The following GNA11 variants were observed in gnomAD, a reference collection of about 807,000 sequenced individuals.
GNA11 encodes the protein G protein subunit alpha 11.
Under a neutral mutation model 38.2 loss-of-function variants are expected in GNA11, and 8 were observed. The observed-to-expected ratio is 0.21, with a 90% CI of 0.12 to 0.38. The LOEUF is 0.38. Ranked by LOEUF, GNA11 falls within the 10% of genes least tolerant of loss-of-function variation. GNA11 has a pLI of 1.00. For synonymous variants in GNA11, 211 were observed against 221.4 expected (o/e 0.95, Z 0.42); for missense variants, 268 against 516.3 (o/e 0.52, Z 4.66).
Position 3,114,895 on chromosome 19 carries a change from G to GC in GNA11, c.477-42dup, listed in dbSNP as rs759612825. 38 of 1,552,202 alleles carry GC rather than the reference G, an allele frequency of 2.4e-5. 1 individual carries two copies. Among genetic ancestry groups the GC allele is most frequent in the Middle Eastern group, 3.5e-4 (2 of 5,788 alleles). Reference sequence around the variant, plus strand: ...GGTTTGGGTGCTGTGTCCCTGTCCTGCCCCCCCACCCCCGGCAGCCGGCCT... The same window carrying GC: ...GGTTTGGGTGCTGTGTCCCTGTCCTGCCCCCCCCACCCCCGGCAGCCGGCCT... On this transcript the variant is annotated intron_variant, in intron 3 of 6. Coordinates refer to ENST00000078429, the MANE Select transcript of GNA11 (RefSeq NM_002067.5).
Position 3,114,966 on chromosome 19 carries a change from A to G in GNA11, c.499A>G (p.Ile167Val). The G allele has an allele frequency of 6.2e-7, 1 of 1,612,680 alleles. No individual in the cohort carries two copies. Among genetic ancestry groups the G allele is most frequent in the Non-Finnish European group, 8.5e-7 (1 of 1,179,684 alleles). The change falls in exon 4 of 7, where the codon ATC becomes GTC. Residue 167 changes from isoleucine (I) to valine (V), a missense_variant. Ile to Val is a conservative substitution (Grantham distance 29, BLOSUM62 3). Around this residue, in one of 3 missense-constraint regions of GNA11, gnomAD observed 151 missense variants for 254.0 expected, o/e 0.59. Transcript: ENST00000078429. ...CAGCTACCTGACCGACGTTGACCGC[A>G]TCGCCACCTTGGGCTACCTGCCCAC... ...AKYYLTDVDR[I>V]ATLGYLPTQQ...
In GNA11 at chr19:3,119,618, C is replaced by G. The variant is rs1455142884; in HGVS notation, c.889+259C>G. Among the ~76,000 whole-genome samples, 4 of 128,992 alleles carry G rather than the reference C, an allele frequency of 3.1e-5. No individual in the cohort carries two copies. Among genetic ancestry groups the G allele is most frequent in the Non-Finnish European group, 6.6e-5 (4 of 60,412 alleles). The allele number at this position is 128,992 out of a possible 152,430, so 84.6% of individuals were successfully genotyped here. On this transcript the variant is annotated intron_variant, in intron 6 of 6. Coordinates refer to ENST00000078429, the MANE Select transcript of GNA11 (RefSeq NM_002067.5). This position sits in a 1 kb window ranked among gnomAD's most constrained non-coding sequence, Gnocchi z 4.6. The stretch of plus-strand genomic sequence containing the variant: ...CAGGGACTCCTTATACAGGAGGGGT[C>G]TCGGGTGGGAGGGGTCTCGGGCAGG...
Position 3,115,619 on chromosome 19 carries a change from G to A in GNA11, c.605+547G>A, listed in dbSNP as rs1163280272. 2.0e-5 allele frequency among the ~76,000 whole-genome samples: 3 copies of A among 151,666 alleles called. No individual in the cohort carries two copies. The East Asian group carries it at 5.9e-4, about 30-fold the overall frequency. The stretch of plus-strand genomic sequence containing the variant: ...ACAGGGCCTCCAGGACGGGCCGGGG[G>A]CCTGGTTGGAGCCAGCATGGGGCTG... On this transcript the variant is annotated intron_variant, in intron 4 of 6. Transcript: ENST00000078429.
rs540865297 is a variant in GNA11, at chr19:3,105,710, C to T, written c.137-4439C>T. On this transcript the variant is annotated intron_variant, in intron 1 of 6. Coordinates refer to ENST00000078429, the MANE Select transcript of GNA11 (RefSeq NM_002067.5). ...ACTTGGTGCGTTGCCCTTGGGGTGG[C>T]GGTGTGGTCAGTGGTCCATTCCTGC... 2.3e-3 allele frequency among the ~76,000 whole-genome samples: 343 copies of T among 152,280 alleles called. 1 individual carries two copies. The highest frequency in any genetic ancestry group is 7.9e-3 in the African/African-American group (329 of 41,558).
rs1346784477 is a variant in GNA11 at position 3,122,772 on chromosome 19, C to CGCCT, written c.*1601_*1604dup. On this transcript the variant is annotated 3_prime_UTR_variant, in exon 7 of 7. Coordinates refer to ENST00000078429, the MANE Select transcript of GNA11 (RefSeq NM_002067.5). This position sits in a 1 kb window ranked among gnomAD's most constrained non-coding sequence, Gnocchi z 7.7. The stretch of plus-strand genomic sequence containing the variant: ...TACGACCACTCCAACCAGCAGTTCC[C>CGCCT]GCCTGCCTGCCCGCCACTGTCAGGC... 1 of 233,588 alleles carries CGCCT rather than the reference C, an allele frequency of 4.3e-6. No homozygotes were observed. Among genetic ancestry groups the CGCCT allele is most frequent in the East Asian group, 6.0e-5 (1 of 16,608 alleles). 14.5% of individuals were successfully genotyped at this position (233,588 alleles called of 1,614,324 possible).
At position 3,121,078 on chromosome 19, in the gene GNA11, C is replaced by T. The variant is rs2145329031; in HGVS notation, c.979C>T (p.His327Tyr). ...NPDSDKIIYS[H>Y]FTCATDTENI... ...CGACAGCGACAAGATCATCTACTCA[C>T]ACTTCACGTGTGCCACCGACACGGA... Residue 327 changes from histidine (H) to tyrosine (Y), a missense_variant, in exon 7 of 7, where the codon CAC becomes TAC. By Grantham distance (83) the His-to-Tyr change is moderately conservative. Transcript: ENST00000078429. The T allele has an allele frequency of 6.2e-7, 1 of 1,613,744 alleles. No individual in the cohort carries two copies. Among genetic ancestry groups the T allele is most frequent in the Non-Finnish European group, 8.5e-7 (1 of 1,179,752 alleles).
intron 3 of GNA11, among the ~76,000 whole-genome samples, chr19:3,113,897 T>G (rs1913842912): frequency 6.6e-6 from 1 of 152,132 alleles, no homozygotes; most frequent in African/African-American, 2.4e-5. Flanking sequence ...GAGCCACGTC[T>G]CCCACTAGTG....
chr19:3,123,484 G>A lies in GNA11; in HGVS notation c.*2305G>A, dbSNP rs932397943. The A allele has an allele frequency of 2.7e-4, 63 of 233,204 alleles. No homozygotes were observed. Among genetic ancestry groups the A allele is most frequent in the Non-Finnish European group, 4.4e-4 (52 of 118,056 alleles). The allele number at this position is 233,204 out of a possible 1,614,324, so 14.4% of individuals were successfully genotyped here. On this transcript the variant is annotated 3_prime_UTR_variant, in exon 7 of 7. Coordinates refer to ENST00000078429, the MANE Select transcript of GNA11 (RefSeq NM_002067.5). ...GACAGCCAACCCCCACCCTTGCCAC[G>A]TGTGGGGCCACGTGGGCATGTGGGG...
At chr19:3,105,408 AG>A (rs1047534533) in intron 1 of GNA11, among the ~76,000 whole-genome samples, 1 of 18,932 alleles carries the variant, frequency 5.3e-5, no homozygotes. Flanking sequence ...GTTGGGGGGA[AG>A]GGGGGGTTGT....
chr19:3,115,681 T>C (rs1036685170), intron 4 of GNA11, among the ~76,000 whole-genome samples: 3 of 129,936 alleles, frequency 2.3e-5, no homozygotes, highest in Non-Finnish European at 4.9e-5. Flanking sequence ...GGGTGCCGCA[T>C]GGTGCGGGAG....
At chr19:3,101,740 T>C (rs895468882) in intron 1 of GNA11, among the ~76,000 whole-genome samples, 1 of 152,178 alleles carries the variant, frequency 6.6e-6, no homozygotes, top group Non-Finnish European at 1.5e-5. Flanking sequence ...TCTCCCAGGC[T>C]GTCGGGGGGC....
chr19:3,099,967 G>A (rs578139974), intron 1 of GNA11, among the ~76,000 whole-genome samples: 26 of 151,694 alleles, frequency 1.7e-4, no homozygotes, highest in African/African-American at 5.1e-4. Flanking sequence ...GTGAGGACTC[G>A]GTGGTGATCC....
chr19:3,094,528 C>T lies in GNA11; in HGVS notation c.-124C>T. On this transcript the variant is annotated 5_prime_UTR_variant, in exon 1 of 7. Transcript: ENST00000078429. The surrounding 1 kb of genome is among the most constrained non-coding windows in gnomAD (Gnocchi z 6.0). ...GAGGCGGGGCGGGCCGGCCCGGGGC[C>T]GAGGGCCGGTGGCCGAGGCCGGAGG... 1 of 199,452 alleles carries T rather than the reference C, an allele frequency of 5.0e-6. No homozygotes were observed. The highest frequency in any genetic ancestry group is 8.5e-6 in the Non-Finnish European group (1 of 116,972). 12.4% of individuals were successfully genotyped at this position (199,452 alleles called of 1,614,324 possible).
In GNA11 at chr19:3,094,795, C is replaced by T. The variant is rs757863889; in HGVS notation, c.136+8C>T. ...TCAAGCTGCTGCTGCTCGGTGAGTG[C>T]GGCCCCCGGGCCTGCCGGCTGCGGG... On this transcript the variant is annotated splice_region_variant and intron_variant, in intron 1 of 6. Coordinates refer to ENST00000078429, the MANE Select transcript of GNA11 (RefSeq NM_002067.5). This position sits in a 1 kb window ranked among gnomAD's most constrained non-coding sequence, Gnocchi z 6.0. The T allele has an allele frequency of 6.4e-7, 1 of 1,565,866 alleles. No individual in the cohort carries two copies. Among genetic ancestry groups the T allele is most frequent in the Admixed American group, 1.8e-5 (1 of 55,762 alleles).
intron 3 of GNA11, among the ~76,000 whole-genome samples, chr19:3,113,992 G>A (rs929864549): frequency 6.6e-6 from 1 of 152,170 alleles, no homozygotes; most frequent in Non-Finnish European, 1.5e-5. Context: ...ACAGGTGGCC[G>A]GGCCATGGCC....
chr19:3,121,454 TAAAA>T lies in GNA11; in HGVS notation c.*288_*291del. On this transcript the variant is annotated 3_prime_UTR_variant, in exon 7 of 7. Transcript: ENST00000078429. Reference sequence around the variant, plus strand: ...CCTTGACTTATGGCTCGCTTTTTTCTAAAAAAAAAAAAAAAAGAAAGAAAGAAAA... The same window carrying T: ...CCTTGACTTATGGCTCGCTTTTTTCTAAAAAAAAAAAAGAAAGAAAGAAAA... 2.6e-5 allele frequency: 5 copies of T among 195,668 alleles called. No individual in the cohort carries two copies. Among genetic ancestry groups the T allele is most frequent in the East Asian group, 1.4e-4 (2 of 14,806 alleles). 12.1% of individuals were successfully genotyped at this position (195,668 alleles called of 1,614,324 possible). A position where few individuals can be genotyped will look rare whatever the true frequency, so the allele number is the denominator to read the frequency against.
chr19:3,099,878 T>A (rs1258587175), intron 1 of GNA11, among the ~76,000 whole-genome samples: 1 of 151,812 alleles, frequency 6.6e-6, no homozygotes, highest in Non-Finnish European at 1.5e-5. Context: ...CTGGGGAGAC[T>A]CAGGTTCAGA....
chr19:3,113,288 G>C, intron 2 of GNA11, 42 bp from the exon 3 acceptor site: 1 of 1,594,466 alleles, frequency 6.3e-7, no homozygotes, highest in Non-Finnish European at 8.6e-7. Context: ...TGGATGTGTG[G>C]CCCCAGCGAG....
rs61731116 is a variant in GNA11 at position 3,110,201 on chromosome 19, C to T, written c.189C>T (p.His63=). Residue 63 remains histidine, a synonymous_variant, in exon 2 of 7, where the codon CAC becomes CAT. Coordinates refer to ENST00000078429, the MANE Select transcript of GNA11 (RefSeq NM_002067.5). The surrounding 1 kb of genome is among the most constrained non-coding windows in gnomAD (Gnocchi z 5.4). ...STFIKQMRII[H]GAGYSEEDKR... ...TCATCAAGCAGATGCGCATCATCCACGGCGCCGGCTACTCGGAGGAGGACA... is the reference window on the plus strand; with the variant it reads ...TCATCAAGCAGATGCGCATCATCCATGGCGCCGGCTACTCGGAGGAGGACA... The T allele has an allele frequency of 2.7e-3, 4,353 of 1,613,544 alleles. 41 individuals carry two copies. Among genetic ancestry groups the T allele is most frequent in the South Asian group, 0.019 (1,715 of 91,034 alleles).
Sources: gnomAD v4.1 joint callset for allele counts (sites outside exome capture counted in the v4.1 genomes callset) on GRCh38, gnomAD v4.1.1 for gene constraint, gnomAD v4.1.1 regional missense constraint, Gnocchi (gnomAD v3.1) non-coding constraint, MANE v1.5 for transcripts, NCBI Gene and HGNC (gene_info 2026-07-23, HGNC 2026-07-21) for gene names.